Variants in SLC22A23 observed in about 807,000 individuals in gnomAD.
SLC22A23 encodes the protein solute carrier family 22 member 23.
SLC22A23 carries 26 observed loss-of-function variants against 61.0 expected under a neutral mutation model. That is an observed-to-expected ratio of 0.43 (90% CI 0.31 to 0.59). The LOEUF (loss-of-function observed/expected upper bound fraction) is 0.59, where lower values mean the gene tolerates loss of function less well. Ranked by LOEUF, SLC22A23 falls within the 20% of genes least tolerant of loss-of-function variation. SLC22A23 has a pLI of 0.11. For missense variants in SLC22A23, 796 were observed against 934.7 expected, an observed-to-expected ratio of 0.85 and a Z score of 1.94; for synonymous variants, 430 against 413.9, an observed-to-expected ratio of 1.04 and a Z score of -0.47.
intron 3 of SLC22A23, among the ~76,000 whole-genome samples, chr6:3,356,530 T>C (rs893511857): frequency 6.6e-6 from 1 of 152,206 alleles, no homozygotes; most frequent in Non-Finnish European, 1.5e-5. Flanking sequence ...ACCCTCCCGC[T>C]GGCTGCTTCA....
chr6:3,277,540 A>C (rs1759023865), intron 9 of SLC22A23, among the ~76,000 whole-genome samples: 1 of 152,184 alleles, frequency 6.6e-6, no homozygotes, highest in African/African-American at 2.4e-5. Context: ...CAGACTGAGC[A>C]GGCTCTCTTG....
intron 9 of SLC22A23, among the ~76,000 whole-genome samples, chr6:3,280,137 C>T (rs1419312315): frequency 6.6e-6 from 1 of 152,128 alleles, no homozygotes; most frequent in Non-Finnish European, 1.5e-5. Context: ...CTGAAGATGC[C>T]CAGCGAAGAA....
At chr6:3,448,694 C>A (rs1014233459) in intron 1 of SLC22A23, among the ~76,000 whole-genome samples, 6 of 152,176 alleles carry the variant, frequency 3.9e-5, no homozygotes, top group Admixed American at 2.6e-4. Flanking sequence ...CGGGGTTTCA[C>A]CACGTTGGCC....
intron 9 of SLC22A23, 42 bp from the exon 10 acceptor site, chr6:3,273,454 G>T (rs761357682): frequency 4.5e-5 from 72 of 1,600,990 alleles, no homozygotes; most frequent in Non-Finnish European, 5.8e-5. Context: ...CTGTGGGCTA[G>T]CGGGCTGGAT....
chr6:3,273,856 T>C (rs1758657645), intron 9 of SLC22A23, among the ~76,000 whole-genome samples: 1 of 152,188 alleles, frequency 6.6e-6, no homozygotes, highest in Non-Finnish European at 1.5e-5. Context: ...AAGAGGGTAC[T>C]AAGGACATAC....
intron 1 of SLC22A23, among the ~76,000 whole-genome samples, chr6:3,417,115 C>A (rs1021050530): frequency 5.3e-5 from 8 of 152,136 alleles, no homozygotes; most frequent in Non-Finnish European, 1.2e-4. Context: ...CTCAGCTTCA[C>A]TAAAATTCAG....
chr6:3,360,575 G>A lies in SLC22A23; in HGVS notation c.914-36573C>T, dbSNP rs1765372057. ...GGAGGGAGGTCACTTTGGGGCCTTT[G>A]CACACATCCGAGTCAACCTCAACAG... On this transcript the variant is annotated intron_variant, in intron 3 of 9. Transcript: ENST00000406686. This position sits in a 1 kb window ranked among gnomAD's most constrained non-coding sequence, Gnocchi z 4.6. Among the ~76,000 whole-genome samples the A allele has an allele frequency of 6.6e-6, 1 of 152,230 alleles. No homozygotes were observed. The highest frequency in any genetic ancestry group is 2.1e-4 in the South Asian group (1 of 4,826).
chr6:3,367,216 G>C (rs1347382051), intron 3 of SLC22A23, among the ~76,000 whole-genome samples: 1 of 152,184 alleles, frequency 6.6e-6, no homozygotes, highest in Non-Finnish European at 1.5e-5. Context: ...TCAGTCTCAT[G>C]GCCCAGAGAA....
At position 3,456,894 on chromosome 6, in the gene SLC22A23, G is replaced by C; in HGVS notation, c.-335C>G. The C allele has an allele frequency of 6.7e-6, 1 of 148,452 alleles. No individual in the cohort carries two copies. Among genetic ancestry groups the C allele is most frequent in the East Asian group, 2.0e-4 (1 of 5,034 alleles). 9.2% of individuals were successfully genotyped at this position (148,452 alleles called of 1,614,324 possible). A position where few individuals can be genotyped will look rare whatever the true frequency, so the allele number is the denominator to read the frequency against. On this transcript the variant is annotated 5_prime_UTR_variant, in exon 1 of 10. Coordinates refer to ENST00000406686, the MANE Select transcript of SLC22A23 (RefSeq NM_015482.2). This position sits in a 1 kb window ranked among gnomAD's most constrained non-coding sequence, Gnocchi z 7.1. ...CGCTGCTCCGCGCCGGACGCGGCAG[G>C]AGGAGGAGCCGGCGCCGCGCCCGGC...
chr6:3,345,567 G>A (rs1337721059), intron 3 of SLC22A23, among the ~76,000 whole-genome samples: 1 of 151,978 alleles, frequency 6.6e-6, no homozygotes, highest in African/African-American at 2.4e-5. Context: ...GTTTCACCAT[G>A]TTGGCCAGGC....
chr6:3,295,647 A>G (rs2127349305), intron 5 of SLC22A23, among the ~76,000 whole-genome samples: 1 of 152,282 alleles, frequency 6.6e-6, no homozygotes, highest in African/African-American at 2.4e-5. Context: ...TGATGGGAGG[A>G]AGATTCCATG....
chr6:3,437,644 G>A (rs542110465), intron 1 of SLC22A23, among the ~76,000 whole-genome samples: 22 of 151,814 alleles, frequency 1.4e-4, no homozygotes, highest in South Asian at 4.2e-4. Context: ...AGCTGAGATC[G>A]TGCCACTGCA....
At chr6:3,381,748 A>G (rs1766967757) in intron 3 of SLC22A23, among the ~76,000 whole-genome samples, 1 of 152,130 alleles carries the variant, frequency 6.6e-6, no homozygotes, top group East Asian at 1.9e-4. Flanking sequence ...GAGCTAGAAC[A>G]ATGCCTGGCA....
At chr6:3,437,519 C>CA (rs923444000) in intron 1 of SLC22A23, among the ~76,000 whole-genome samples, 6 of 149,552 alleles carry the variant, frequency 4.0e-5, no homozygotes, top group African/African-American at 7.3e-5. Flanking sequence ...CTACTAAAAA[C>CA]AAAAAAAAAT....
At chr6:3,412,219 G>T (rs1769312280) in intron 2 of SLC22A23, among the ~76,000 whole-genome samples, 1 of 152,146 alleles carries the variant, frequency 6.6e-6, no homozygotes, top group Non-Finnish European at 1.5e-5. Flanking sequence ...ATTTTTTTAA[G>T]CGTGCTGCCT....
In SLC22A23 at chr6:3,427,305, C is replaced by T. The variant is rs573594574; in HGVS notation, c.655-11450G>A. 5.9e-5 allele frequency among the ~76,000 whole-genome samples: 9 copies of T among 152,192 alleles called. No homozygotes were observed. Among genetic ancestry groups the T allele is most frequent in the Middle Eastern group, 3.4e-3 (1 of 294 alleles). On this transcript the variant is annotated intron_variant, in intron 1 of 9. Coordinates refer to ENST00000406686, the MANE Select transcript of SLC22A23 (RefSeq NM_015482.2). The surrounding 1 kb of genome is among the most constrained non-coding windows in gnomAD (Gnocchi z 4.3). Reference sequence around the variant, plus strand: ...TTTGTCTGTCAGTTAAGCAGGTCCTCGGGGGCTTATGTCTGTTGGTAAGTA... The same window carrying T: ...TTTGTCTGTCAGTTAAGCAGGTCCTTGGGGGCTTATGTCTGTTGGTAAGTA...
At chr6:3,319,331 C>A (rs915328179) in intron 4 of SLC22A23, among the ~76,000 whole-genome samples, 1 of 152,200 alleles carries the variant, frequency 6.6e-6, no homozygotes, top group Non-Finnish European at 1.5e-5. Flanking sequence ...GTCTAGAACA[C>A]TTTTCCGCCC....
At chr6:3,331,763 C>A (rs1278001716) in intron 3 of SLC22A23, among the ~76,000 whole-genome samples, 2 of 152,214 alleles carry the variant, frequency 1.3e-5, no homozygotes, top group African/African-American at 4.8e-5. Flanking sequence ...CACTTTCAGT[C>A]TCCTAGTATT....
chr6:3,310,082 T>G (rs1330199469), intron 4 of SLC22A23, among the ~76,000 whole-genome samples: 1 of 152,266 alleles, frequency 6.6e-6, no homozygotes, highest in Non-Finnish European at 1.5e-5. Context: ...AATGTATTTA[T>G]GTGGAACTTT....
Sources: allele counts gnomAD v4.1 joint callset (sites outside exome capture counted in the v4.1 genomes callset), GRCh38; gene constraint gnomAD v4.1.1; non-coding constraint Gnocchi (gnomAD v3.1); transcripts MANE v1.5; gene names NCBI Gene and HGNC (gene_info 2026-07-23, HGNC 2026-07-21).